Variants in RAPGEF1 observed in about 807,000 individuals in gnomAD.
RAPGEF1 encodes CRK SH3-binding GNRP.
A neutral mutation model predicts 143.3 loss-of-function variants in RAPGEF1; 33 were observed. The observed-to-expected ratio is 0.23, with a 90% CI of 0.17 to 0.31. The LOEUF is 0.31. RAPGEF1 is among the 10% of genes least tolerant of loss of function. RAPGEF1 has a pLI of 1.00. For missense variants in RAPGEF1, 1,199 were observed against 1,645.4 expected (o/e 0.73, Z 4.69); for synonymous variants, 629 against 676.5 (o/e 0.93, Z 1.09).
Position 131,584,511 on chromosome 9 carries a change from C to T in RAPGEF1, c.3312+7G>A. ...TGGGGGCCTGGGAAGGACTTGGCCA[C>T]CATTACCTTCATGATCTTGATGAAC... is the stretch of plus-strand genomic sequence containing the variant. On this transcript the variant is annotated splice_region_variant and intron_variant, in intron 23 of 26. Coordinates refer to ENST00000683357, the MANE Select transcript of RAPGEF1 (RefSeq NM_001377935.1). The surrounding 1 kb of genome is among the most constrained non-coding windows in gnomAD (Gnocchi z 6.8). 6.2e-7 allele frequency: 1 copy of T among 1,613,976 alleles called. No homozygotes were observed. Among genetic ancestry groups the T allele is most frequent in the South Asian group, 1.1e-5 (1 of 91,088 alleles).
At chr9:131,599,131 G>GTT (rs56003715) in intron 15 of RAPGEF1, among the ~76,000 whole-genome samples, 408 of 115,250 alleles carry the variant, frequency 3.5e-3, no homozygotes, top group Middle Eastern at 5.9e-3. Flanking sequence ...CCACTTATTT[G>GTT]TTTTTTTTTT....
chr9:131,610,221 T>A (rs1001750224), intron 12 of RAPGEF1, among the ~76,000 whole-genome samples: 3 of 152,190 alleles, frequency 2.0e-5, no homozygotes, highest in African/African-American at 7.2e-5. Flanking sequence ...AAAGGAACAA[T>A]TCTGAGTCCT....
chr9:131,718,910 C>A (rs969305477), intron 1 of RAPGEF1, among the ~76,000 whole-genome samples: 3 of 152,094 alleles, frequency 2.0e-5, no homozygotes, highest in African/African-American at 4.8e-5. Context: ...GAGATGAAAC[C>A]CTTTACAGAG....
intron 1 of RAPGEF1, among the ~76,000 whole-genome samples, chr9:131,715,874 A>G (rs1465726016): frequency 8.1e-6 from 1 of 124,028 alleles, no homozygotes; most frequent in East Asian, 2.3e-4. Context: ...AAAAAAAAAA[A>G]AAAAAAAAAG....
In RAPGEF1 at chr9:131,639,047, C is replaced by T. The variant is rs915311094; in HGVS notation, c.495-256G>A. On this transcript the variant is annotated intron_variant, in intron 4 of 26. Transcript: ENST00000683357. ...ATGTAACATTACAAAAATTCCACCA[C>T]GATAGTTAAGATGCTTTTTCAAACT... Among the ~76,000 whole-genome samples the T allele has an allele frequency of 3.9e-5, 6 of 152,058 alleles. No individual in the cohort carries two copies. In the South Asian group the frequency reaches 6.2e-4, roughly 16 times the overall value.
At chr9:131,659,504 C>T (rs1471981114) in intron 1 of RAPGEF1, among the ~76,000 whole-genome samples, 1 of 141,288 alleles carries the variant, frequency 7.1e-6, no homozygotes, top group East Asian at 2.0e-4. Context: ...CAGGTGTGAG[C>T]CATCACGCCA....
At position 131,667,660 on chromosome 9, in the gene RAPGEF1, G is replaced by A. The variant is rs569886222; in HGVS notation, c.62-16711C>T. On this transcript the variant is annotated intron_variant, in intron 1 of 26. Coordinates refer to ENST00000683357, the MANE Select transcript of RAPGEF1 (RefSeq NM_001377935.1). The surrounding 1 kb of genome is among the most constrained non-coding windows in gnomAD (Gnocchi z 4.6). ...AAGGGGAACTGCCACCATGTCCTAT[G>A]GCTATGACATGGGGCAAACAGAAGT... Among the ~76,000 whole-genome samples the A allele has an allele frequency of 1.3e-5, 2 of 152,326 alleles. No homozygotes were observed. Among genetic ancestry groups the A allele is most frequent in the African/African-American group, 2.4e-5 (1 of 41,574 alleles).
At chr9:131,704,360 T>A (rs902168004) in intron 1 of RAPGEF1, among the ~76,000 whole-genome samples, 2 of 151,412 alleles carry the variant, frequency 1.3e-5, no homozygotes, top group Non-Finnish European at 2.9e-5. Context: ...GAGCAACCAC[T>A]GGCATTCAAA....
At position 131,588,985 on chromosome 9, in the gene RAPGEF1, G is replaced by A; in HGVS notation, c.2869C>T (p.Leu957=). 6.2e-7 allele frequency: 1 copy of A among 1,612,836 alleles called. No individual in the cohort carries two copies. ...AGGATCTCTTCTGTCAACTCCACCA[G>A]GCTGAAGGACAAAAGAGCACAAGGT... is the stretch of plus-strand genomic sequence containing the variant. ...VLVRVVDELC[L]VELTEEILKL... The change falls in exon 20 of 27, where the codon CTG becomes TTG. Residue 957 remains leucine, a splice_region_variant and synonymous_variant. Coordinates refer to ENST00000683357, the MANE Select transcript of RAPGEF1 (RefSeq NM_001377935.1).
chr9:131,643,304 C>A lies in RAPGEF1; in HGVS notation c.429G>T (p.Gly143=). 6.2e-7 allele frequency: 1 copy of A among 1,613,514 alleles called. No homozygotes were observed. The highest frequency in any genetic ancestry group is 8.5e-7 in the Non-Finnish European group (1 of 1,179,784). ...TGGCCTCCAGCACCTTGCTGGCTGA[C>A]CCTGGAAGCATCTCCAGTACCTTCT... is the stretch of plus-strand genomic sequence containing the variant. The part of the protein sequence containing the change: ...IDKKVLEMLP[G]SASKVLEAIL... The change falls in exon 4 of 27, where the codon GGG becomes GGT. Residue 143 remains glycine (G), a synonymous_variant. Transcript: ENST00000683357.
intron 17 of RAPGEF1, among the ~76,000 whole-genome samples, chr9:131,594,965 A>G (rs916711296): frequency 6.6e-6 from 1 of 152,212 alleles, no homozygotes; most frequent in Admixed American, 6.5e-5. Flanking sequence ...GGAGCCCCCT[A>G]TGTCAGGCAG....
chr9:131,613,076 G>T (rs916790879), intron 12 of RAPGEF1, among the ~76,000 whole-genome samples: 3 of 152,222 alleles, frequency 2.0e-5, no homozygotes, highest in African/African-American at 7.2e-5. Context: ...CATGGCGACA[G>T]ATCTGATGCT....
chr9:131,685,919 CA>C (rs1229875771), intron 1 of RAPGEF1, among the ~76,000 whole-genome samples: 2 of 152,112 alleles, frequency 1.3e-5, no homozygotes, highest in Admixed American at 6.5e-5. Context: ...ACATTTTAGG[CA>C]AATCACTCTC....
At position 131,599,883 on chromosome 9, in the gene RAPGEF1, C is replaced by T. The variant is rs562120668; in HGVS notation, c.2502-1573G>A. Among the ~76,000 whole-genome samples the T allele has an allele frequency of 9.9e-5, 15 of 152,142 alleles. 1 individual carries two copies. Among genetic ancestry groups the T allele is most frequent in the East Asian group, 1.9e-4 (1 of 5,178 alleles). ...CTGTAATTCCAGCACTTTGGGAGGC[C>T]GAGGCGGGTGGATCACTTGAAGTCA... On this transcript the variant is annotated intron_variant, in intron 15 of 26. Transcript: ENST00000683357.
At chr9:131,684,473 C>A (rs936012732) in intron 1 of RAPGEF1, among the ~76,000 whole-genome samples, 3 of 152,318 alleles carry the variant, frequency 2.0e-5, no homozygotes, top group African/African-American at 7.2e-5. Context: ...TTCTCAAGGA[C>A]AAGCCATAGT....
chr9:131,669,263 T>C lies in RAPGEF1; in HGVS notation c.62-18314A>G, dbSNP rs148466293. 6.3e-3 allele frequency among the ~76,000 whole-genome samples: 956 copies of C among 152,274 alleles called. 17 individuals carry two copies. Among genetic ancestry groups the C allele is most frequent in the African/African-American group, 0.022 (902 of 41,568 alleles). On this transcript the variant is annotated intron_variant, in intron 1 of 26. Transcript: ENST00000683357. The stretch of plus-strand genomic sequence containing the variant: ...TCATTCGTCAGTAAGCATACATTCA[T>C]GTATTTATCTCCCAGACAACAGGGG...
chr9:131,737,252 C>T (rs561507546), intron 1 of RAPGEF1, among the ~76,000 whole-genome samples: 2 of 152,302 alleles, frequency 1.3e-5, no homozygotes, highest in African/African-American at 2.4e-5. Context: ...TCCTCCCACA[C>T]TTTCCGCAGC....
At chr9:131,719,802 T>C (rs1188229384) in intron 1 of RAPGEF1, among the ~76,000 whole-genome samples, 4 of 151,988 alleles carry the variant, frequency 2.6e-5, no homozygotes, top group African/African-American at 9.7e-5. Flanking sequence ...TTGTACATAG[T>C]CATACACCGA....
At chr9:131,704,429 T>C (rs959384169) in intron 1 of RAPGEF1, among the ~76,000 whole-genome samples, 2 of 151,938 alleles carry the variant, frequency 1.3e-5, no homozygotes, top group Non-Finnish European at 2.9e-5. Flanking sequence ...GGCCTGCCAA[T>C]CTGCTTCCAG....
Sources: allele counts gnomAD v4.1 joint callset (sites outside exome capture counted in the v4.1 genomes callset), GRCh38; gene constraint gnomAD v4.1.1; non-coding constraint Gnocchi (gnomAD v3.1); transcripts MANE v1.5; gene names NCBI Gene and HGNC (gene_info 2026-07-23, HGNC 2026-07-21).